Variants in RFX3 observed in about 807,000 individuals in gnomAD.
RFX3 encodes the protein transcription factor RFX3.
RFX3 carries 14 observed loss-of-function variants against 98.6 expected under a neutral mutation model. The observed-to-expected ratio is 0.14, with a 90% CI of 0.09 to 0.22. RFX3 has a LOEUF of 0.22. Among genes scored for constraint, RFX3 ranks in the 10% least tolerant of loss-of-function variants. The pLI is 1.00. For missense variants in RFX3, 639 were observed against 926.9 expected (o/e 0.69, Z 4.03); for synonymous variants, 383 against 328.4 (o/e 1.17, Z -1.80).
At chr9:3,468,815 G>GAA (rs34057815) in intron 1 of RFX3, among the ~76,000 whole-genome samples, 6,212 of 84,130 alleles carry the variant, frequency 0.074, 159 homozygotes, top group East Asian at 0.11. Context: ...TTTTCCTTTT[G>GAA]AAAAAAAAAA....
chr9:3,290,708 G>A (rs1281096877), intron 6 of RFX3, among the ~76,000 whole-genome samples: 1 of 152,134 alleles, frequency 6.6e-6, no homozygotes, highest in Non-Finnish European at 1.5e-5. Context: ...ACATATTTAT[G>A]AGAGAGCTAA....
At chr9:3,414,868 A>AAG (rs1842810364) in intron 1 of RFX3, among the ~76,000 whole-genome samples, 1 of 118,554 alleles carries the variant, frequency 8.4e-6, no homozygotes, top group African/African-American at 3.5e-5. Context: ...GTATATATGT[A>AAG]TATATATGAG....
chr9:3,410,210 G>GTGTGTGTGT (rs1842346511), intron 1 of RFX3, among the ~76,000 whole-genome samples: 1 of 24,802 alleles, frequency 4.0e-5, no homozygotes, highest in Non-Finnish European at 9.6e-5. Flanking sequence ...TGTGTGTGTG[G>GTGTGTGTGT]CGCTATCAAC....
chr9:3,354,223 A>G (rs928011472), intron 2 of RFX3, among the ~76,000 whole-genome samples: 4 of 152,014 alleles, frequency 2.6e-5, no homozygotes, highest in Non-Finnish European at 5.9e-5. Flanking sequence ...CATACTGAAT[A>G]AAGAGTGGTA....
At chr9:3,257,800 A>C (rs1822328759) in intron 13 of RFX3, among the ~76,000 whole-genome samples, 1 of 152,206 alleles carries the variant, frequency 6.6e-6, no homozygotes, top group Non-Finnish European at 1.5e-5. Context: ...AATGCAAATT[A>C]ATTCAGAGAA....
intron 5 of RFX3, among the ~76,000 whole-genome samples, chr9:3,295,213 GT>G (rs371119901): frequency 7.0e-4 from 104 of 148,394 alleles, no homozygotes; most frequent in East Asian, 3.1e-3. Context: ...TCTCTTTAGT[GT>G]TTTTTTTTTA....
chr9:3,328,266 C>A (rs1015243318), intron 4 of RFX3, among the ~76,000 whole-genome samples: 1 of 152,106 alleles, frequency 6.6e-6, no homozygotes, highest in Non-Finnish European at 1.5e-5. Flanking sequence ...CTATATACTA[C>A]TGCCACCATT....
intron 3 of RFX3, among the ~76,000 whole-genome samples, chr9:3,332,105 A>G (rs1832668070): frequency 6.6e-6 from 1 of 152,066 alleles, no homozygotes; most frequent in African/African-American, 2.4e-5. Flanking sequence ...CTTCTAAATA[A>G]TTTTCCAATT....
intron 1 of RFX3, among the ~76,000 whole-genome samples, chr9:3,427,400 A>AAC (rs1488274336): frequency 7.2e-6 from 1 of 138,326 alleles, no homozygotes; most frequent in Non-Finnish European, 1.5e-5. Context: ...AATATATATA[A>AAC]ATATATATTG....
At chr9:3,324,127 A>G in intron 4 of RFX3, 1 of 387,132 alleles carries the variant, frequency 2.6e-6, no homozygotes, top group Non-Finnish European at 5.8e-6. Flanking sequence ...AAAACAGAAA[A>G]AGCTAAGATC....
At chr9:3,484,803 G>T (rs1416284978) in intron 1 of RFX3, among the ~76,000 whole-genome samples, 2 of 152,116 alleles carry the variant, frequency 1.3e-5, no homozygotes, top group African/African-American at 4.8e-5. Flanking sequence ...AGTAAACAAA[G>T]GCTGGGTGCA....
intron 1 of RFX3, among the ~76,000 whole-genome samples, chr9:3,438,458 TAGAAAA>T (rs999466014): frequency 2.7e-5 from 4 of 150,702 alleles, no homozygotes; most frequent in African/African-American, 9.8e-5. Flanking sequence ...AGAAAGAAGG[TAGAAAA>T]AGAAAAAGAA....
intron 2 of RFX3, among the ~76,000 whole-genome samples, chr9:3,375,081 C>A (rs1055509588): frequency 6.6e-6 from 1 of 152,112 alleles, no homozygotes; most frequent in African/African-American, 2.4e-5. Flanking sequence ...AACAAATGAG[C>A]CTCAGTGACT....
At chr9:3,335,265 T>C (rs1004703285) in intron 3 of RFX3, among the ~76,000 whole-genome samples, 2 of 152,136 alleles carry the variant, frequency 1.3e-5, no homozygotes, top group Non-Finnish European at 2.9e-5. Context: ...TAAAGGTTTT[T>C]TCCATGTCTA....
chr9:3,311,291 T>C (rs1310674896), intron 4 of RFX3, among the ~76,000 whole-genome samples: 1 of 152,208 alleles, frequency 6.6e-6, no homozygotes, highest in Non-Finnish European at 1.5e-5. Flanking sequence ...AAAACATTTC[T>C]ACCTGGTTTG....
chr9:3,323,029 A>C (rs555655233), intron 4 of RFX3, among the ~76,000 whole-genome samples: 1 of 152,236 alleles, frequency 6.6e-6, no homozygotes, highest in Non-Finnish European at 1.5e-5. Context: ...CTAAGTCCGT[A>C]GATTACAAAA....
At position 3,420,922 on chromosome 9, in the gene RFX3, T is replaced by A. The variant is rs949241380; in HGVS notation, c.-8-25326A>T. On this transcript the variant is annotated intron_variant, in intron 1 of 16. Transcript: ENST00000617270. ...CAAATCTGAAACCAGCAAATATGGA[T>A]CTTTCTCATCTGTAAAGTTCTGTGG... 3.0e-6 allele frequency: 3 copies of A among 984,892 alleles called. No individual in the cohort carries two copies. In the South Asian group the frequency reaches 1.4e-4, roughly 46 times the overall value. 61.0% of individuals were successfully genotyped at this position (984,892 alleles called of 1,614,324 possible). A position where few individuals can be genotyped will look rare whatever the true frequency, so the allele number is the denominator to read the frequency against.
At chr9:3,356,768 G>A (rs937105026) in intron 2 of RFX3, among the ~76,000 whole-genome samples, 1 of 151,572 alleles carries the variant, frequency 6.6e-6, no homozygotes, top group African/African-American at 2.4e-5. Flanking sequence ...ATATTTACAG[G>A]ACAATAAATC....
intron 2 of RFX3, among the ~76,000 whole-genome samples, chr9:3,386,404 T>A (rs1839721338): frequency 1.3e-5 from 2 of 152,160 alleles, no homozygotes; most frequent in African/African-American, 4.8e-5. Context: ...GAAGTATTAT[T>A]TAATATTTTT....
Sources: gnomAD v4.1 joint callset for allele counts (sites outside exome capture counted in the v4.1 genomes callset) on GRCh38, gnomAD v4.1.1 for gene constraint, MANE v1.5 for transcripts, NCBI Gene and HGNC (gene_info 2026-07-23, HGNC 2026-07-21) for gene names.